The following PIK3R6 variants were observed in gnomAD, a reference collection of about 807,000 sequenced individuals.
The protein encoded by PIK3R6 is phosphoinositide 3-kinase regulatory subunit 6.
In PIK3R6, 91 loss-of-function variants were observed where a neutral mutation model predicts 84.9. That is an observed-to-expected ratio of 1.07 (90% CI 0.90 to 1.28). PIK3R6 has a LOEUF of 1.28. Among genes scored for constraint, PIK3R6 ranks in the 50% most tolerant of loss-of-function variants. The probability of loss-of-function intolerance (pLI) is 0.00; values close to 1 mark genes in which losing one functional copy is unlikely to be tolerated. For missense variants in PIK3R6, 996 were observed against 985.1 expected (o/e 1.01, Z -0.15); for synonymous variants, 416 against 411.4 (o/e 1.01, Z -0.13).
intron 18 of PIK3R6, among the ~76,000 whole-genome samples, chr17:8,807,845 T>C (rs1228795524): frequency 6.6e-6 from 1 of 152,088 alleles, no homozygotes; most frequent in Non-Finnish European, 1.5e-5. Context: ...GAAGGTGGAC[T>C]TAAGGAGGAT....
At chr17:8,805,918 A>G (rs1055404049) in intron 18 of PIK3R6, among the ~76,000 whole-genome samples, 1 of 130,806 alleles carries the variant, frequency 7.6e-6, no homozygotes, top group African/African-American at 3.6e-5. Flanking sequence ...ACTCTGTCTC[A>G]AAAAAAAAAA....
Position 8,832,966 on chromosome 17 carries a change from G to T in PIK3R6, c.725C>A (p.Pro242Gln), listed in dbSNP as rs370891970. The T allele has an allele frequency of 2.5e-6, 4 of 1,612,354 alleles. No individual in the cohort carries two copies. Among genetic ancestry groups the T allele is most frequent in the Admixed American group, 3.3e-5 (2 of 60,000 alleles). The change falls in exon 9 of 20, where the codon CCG becomes CAG. Residue 242 changes from proline to glutamine, a missense_variant. Pro to Gln is a moderately conservative substitution (Grantham distance 76). Transcript: ENST00000619866. ...ALEQMASEAS[P>Q]SREGHVERLE... ...CCTCTCTACGTGTCCCTCCCGGCTC[G>T]GGCTGGCCTCGCTGGCCATCTGCTC...
intron 18 of PIK3R6, among the ~76,000 whole-genome samples, chr17:8,814,026 C>T (rs149743): frequency 0.24 from 36,759 of 151,882 alleles, 4,589 homozygotes; most frequent in Admixed American, 0.31. Context: ...CCCTGGCCCC[C>T]TTTACTCGCT....
Position 8,819,671 on chromosome 17 carries a change from C to CATAT in PIK3R6, c.1880-477_1880-474dup, listed in dbSNP as rs148918327. 8.5e-3 allele frequency among the ~76,000 whole-genome samples: 1,135 copies of CATAT among 133,612 alleles called. 12 individuals carry two copies. Among genetic ancestry groups the CATAT allele is most frequent in the African/African-American group, 0.023 (810 of 34,644 alleles). The allele number at this position is 133,612 out of a possible 152,430, so 87.7% of individuals were successfully genotyped here. The stretch of plus-strand genomic sequence containing the variant: ...CTTTTTTTATTATTATTTTTTTGTG[C>CATAT]ATATATATATATATATATACACACA... On this transcript the variant is annotated intron_variant, in intron 17 of 19. Coordinates refer to ENST00000619866, the MANE Select transcript of PIK3R6 (RefSeq NM_001010855.4).
chr17:8,845,492 T>C (rs2088794383), intron 2 of PIK3R6, among the ~76,000 whole-genome samples: 1 of 152,226 alleles, frequency 6.6e-6, no homozygotes, highest in Non-Finnish European at 1.5e-5. Context: ...TTTTACCCAT[T>C]TTTTAAGTGG....
At chr17:8,807,728 G>A (rs1032466763) in intron 18 of PIK3R6, among the ~76,000 whole-genome samples, 3 of 152,176 alleles carry the variant, frequency 2.0e-5, no homozygotes, top group Admixed American at 1.3e-4. Flanking sequence ...GCCCAAAGCT[G>A]CAGATGGAGA....
At chr17:8,809,722 G>A (rs971903963) in intron 18 of PIK3R6, among the ~76,000 whole-genome samples, 1 of 152,178 alleles carries the variant, frequency 6.6e-6, no homozygotes, top group Non-Finnish European at 1.5e-5. Flanking sequence ...TAAGATATGG[G>A]CTGGTGGAAT....
At chr17:8,831,145 C>CAAA (rs35954175) in intron 9 of PIK3R6, among the ~76,000 whole-genome samples, 40 of 41,950 alleles carry the variant, frequency 9.5e-4, no homozygotes, top group African/African-American at 1.6e-3. Context: ...GATTGTGTCT[C>CAAA]AAAAAAAAAA....
At chr17:8,836,310 T>C (rs2088464665) in intron 7 of PIK3R6, among the ~76,000 whole-genome samples, 1 of 152,130 alleles carries the variant, frequency 6.6e-6, no homozygotes, top group Admixed American at 6.5e-5. Context: ...GCAGGGTAGC[T>C]TCCAATCCAA....
chr17:8,858,941 G>T (rs1451929787), intron 1 of PIK3R6, among the ~76,000 whole-genome samples: 1 of 152,222 alleles, frequency 6.6e-6, no homozygotes, highest in Non-Finnish European at 1.5e-5. Flanking sequence ...TTTCTGATTT[G>T]AACAAAGTGC....
In PIK3R6 at chr17:8,832,961, G is replaced by A; in HGVS notation, c.730C>T (p.Arg244Trp). Residue 244 changes from arginine to tryptophan, a missense_variant, in exon 9 of 20, where the codon CGG becomes TGG. Coordinates refer to ENST00000619866, the MANE Select transcript of PIK3R6 (RefSeq NM_001010855.4). ...EQMASEASPS[R>W]EGHVERLEEI... The stretch of plus-strand genomic sequence containing the variant: ...TCCAGCCTCTCTACGTGTCCCTCCC[G>A]GCTCGGGCTGGCCTCGCTGGCCATC... The A allele has an allele frequency of 1.2e-6, 2 of 1,612,566 alleles. No homozygotes were observed. The highest frequency in any genetic ancestry group is 1.1e-5 in the South Asian group (1 of 91,074).
In PIK3R6 at chr17:8,835,536, C is replaced by T. The variant is rs1388658120; in HGVS notation, c.462-80G>A. On this transcript the variant is annotated intron_variant, in intron 7 of 19. Transcript: ENST00000619866. ...GGCCACCGGATGGGCACCCTCAGAG[C>T]TGTGCAGCACCTCCAAGTAATTTAA... 11 of 1,190,192 alleles carry T rather than the reference C, an allele frequency of 9.2e-6. No individual in the cohort carries two copies. In the Admixed American group the frequency reaches 2.7e-4, roughly 30 times the overall value. 73.7% of individuals were successfully genotyped at this position (1,190,192 alleles called of 1,614,324 possible). A position where few individuals can be genotyped will look rare whatever the true frequency, so the allele number is the denominator to read the frequency against.
intron 8 of PIK3R6, 81 bp downstream of exon 8, chr17:8,835,192 G>T: frequency 7.7e-7 from 1 of 1,295,662 alleles, no homozygotes; most frequent in Non-Finnish European, 1.0e-6. Flanking sequence ...AGGAGAAGGA[G>T]GAAGAGCAGG....
intron 18 of PIK3R6, among the ~76,000 whole-genome samples, chr17:8,808,249 G>A (rs1162433127): frequency 6.6e-6 from 1 of 152,150 alleles, no homozygotes; most frequent in Non-Finnish European, 1.5e-5. Context: ...TCTTCTAAGA[G>A]CTTCGCATGC....
chr17:8,864,019 T>TGGG (rs975186606), intron 1 of PIK3R6, among the ~76,000 whole-genome samples: 3 of 151,934 alleles, frequency 2.0e-5, no homozygotes, highest in Non-Finnish European at 4.4e-5. Flanking sequence ...GTGCAATGAG[T>TGGG]GGGGGACACT....
Position 8,844,611 on chromosome 17 carries a change from CT to C in PIK3R6, c.14-4915del, listed in dbSNP as rs553355234. On this transcript the variant is annotated intron_variant, in intron 2 of 19. Coordinates refer to ENST00000619866, the MANE Select transcript of PIK3R6 (RefSeq NM_001010855.4). The surrounding 1 kb of genome is among the most constrained non-coding windows in gnomAD (Gnocchi z 4.5). ...TATTAATATTATTATTAATATTAAA[CT>C]TTTTTTATTTAAAATTTTTTTAACT... Among the ~76,000 whole-genome samples the C allele has an allele frequency of 7.0e-4, 107 of 151,926 alleles. No homozygotes were observed. Among genetic ancestry groups the C allele is most frequent in the African/African-American group, 2.4e-3 (100 of 41,476 alleles).
intron 2 of PIK3R6, among the ~76,000 whole-genome samples, chr17:8,840,063 C>G (rs1038714449): frequency 6.6e-6 from 1 of 151,308 alleles, no homozygotes; most frequent in African/African-American, 2.4e-5. Context: ...ATATATCCTC[C>G]AAACATATAT....
intron 1 of PIK3R6, among the ~76,000 whole-genome samples, chr17:8,864,830 C>T (rs1430502345): frequency 1.3e-5 from 2 of 152,156 alleles, no homozygotes; most frequent in Non-Finnish European, 2.9e-5. Flanking sequence ...AGCCACCGCA[C>T]CCAGCCCCTT....
chr17:8,824,527 T>C (rs887503999), intron 13 of PIK3R6, among the ~76,000 whole-genome samples: 1 of 152,222 alleles, frequency 6.6e-6, no homozygotes, highest in South Asian at 2.1e-4. Context: ...AGGGTCACAC[T>C]GAGGAGCTAT....
Sources: allele counts gnomAD v4.1 joint callset (sites outside exome capture counted in the v4.1 genomes callset), GRCh38; gene constraint gnomAD v4.1.1; non-coding constraint Gnocchi (gnomAD v3.1); transcripts MANE v1.5; gene names NCBI Gene and HGNC (gene_info 2026-07-23, HGNC 2026-07-21).